OR6J1: variants seen among roughly 807,000 people sequenced by gnomAD.
OR6J1 encodes olfactory receptor family 6 subfamily J member 1.
For missense variants in OR6J1, 304 were observed against 166.8 expected (o/e 1.82, Z -4.53); for synonymous variants, 109 against 70.0 (o/e 1.56, Z -2.78).
Position 22,634,775 on chromosome 14 carries a change from G to C in OR6J1, c.37C>G (p.Leu13Val). 1.4e-6 allele frequency: 1 copy of C among 701,250 alleles called. No individual in the cohort carries two copies. Among genetic ancestry groups the C allele is most frequent in the Non-Finnish European group, 2.6e-6 (1 of 383,872 alleles). The allele number at this position is 701,250 out of a possible 1,614,324, so 43.4% of individuals were successfully genotyped here. Reference protein sequence around the residue: ...NWTAAVTEFVLLGFSLSREVE... With the variant: ...NWTAAVTEFVVLGFSLSREVE... ...TCCCTGCTCAGGGAAAACCCCAGCA[G>C]AACAAACTCAGTCACCGCTGCAGTC... Residue 13 changes from leucine (L) to valine (V), a missense_variant, in exon 2 of 2, where the codon CTG becomes GTG. Transcript: ENST00000540461.
At position 22,631,763 on chromosome 14, in the gene OR6J1, AT is replaced by A. The variant is rs2037548139; in HGVS notation, c.*2004del. 6.5e-6 allele frequency: 1 copy of A among 153,878 alleles called. No individual in the cohort carries two copies. Among genetic ancestry groups the A allele is most frequent in the South Asian group, 1.8e-4 (1 of 5,484 alleles). The allele number at this position is 153,878 out of a possible 1,614,324, so 9.5% of individuals were successfully genotyped here. A position where few individuals can be genotyped will look rare whatever the true frequency, so the allele number is the denominator to read the frequency against. ...TCTTCACTATCCACATTCTTCTGCCATGGCTTCAGCCGGTCCCTCCGTTTGG... is the reference window on the plus strand; with the variant it reads ...TCTTCACTATCCACATTCTTCTGCCAGGCTTCAGCCGGTCCCTCCGTTTGG... On this transcript the variant is annotated 3_prime_UTR_variant, in exon 2 of 2. Coordinates refer to ENST00000540461, the MANE Select transcript of OR6J1 (RefSeq NM_001348233.2).
chr14:22,638,661 AAATAAAAAAAAAAT>A lies in OR6J1; in HGVS notation c.-27-3837_-27-3824del, dbSNP rs1251777872. Among the ~76,000 whole-genome samples the A allele has an allele frequency of 9.7e-5, 10 of 103,482 alleles. 1 individual carries two copies. The East Asian group carries it at 3.7e-3, about 39-fold the overall frequency. The allele number at this position is 103,482 out of a possible 152,430, so 67.9% of individuals were successfully genotyped here. A position where few individuals can be genotyped will look rare whatever the true frequency, so the allele number is the denominator to read the frequency against. ...CAAGAATGATCAATAAAAAAAATAA[AAATAAAAAAAAAAT>A]AAAAAAAATTAAGACACTAGCAAGA... On this transcript the variant is annotated intron_variant, in intron 1 of 1. Transcript: ENST00000540461.
rs1317056754 is a variant in OR6J1, at chr14:22,634,262, G to A, written c.550C>T (p.Leu184=). 2.8e-6 allele frequency: 2 copies of A among 703,362 alleles called. No homozygotes were observed. The highest frequency in any genetic ancestry group is 1.7e-5 in the African/African-American group (1 of 57,378). The allele number at this position is 703,362 out of a possible 1,614,324, so 43.6% of individuals were successfully genotyped here. The change falls in exon 2 of 2, where the codon CTG becomes TTG. Residue 184 remains leucine, a synonymous_variant. Coordinates refer to ENST00000540461, the MANE Select transcript of OR6J1 (RefSeq NM_001348233.2). ...NHFFCDSGPL[L]ALACADTTAI... is the part of the protein sequence containing the mutation. ...GTGGTGTCTGCACAGGCCAGGGCCA[G>A]CAAGGGTCCACTGTCACAGAAGAAG...
At chr14:22,637,838 C>G (rs1282511924) in intron 1 of OR6J1, among the ~76,000 whole-genome samples, 2 of 36,568 alleles carry the variant, frequency 5.5e-5, no homozygotes, top group Admixed American at 1.6e-4. Context: ...GCCCGGCCAG[C>G]CGCCCCGTCC....
rs1334391111 is a variant in OR6J1, at chr14:22,631,265, T to C, written c.*2503A>G. On this transcript the variant is annotated 3_prime_UTR_variant, in exon 2 of 2. Transcript: ENST00000540461. ...AAATTTATTAGGTGGAAATTTCCTC[T>C]TCCTAATAAGCCTGGGAGCGCTATG... The C allele has an allele frequency of 6.6e-6, 1 of 152,186 alleles. No individual in the cohort carries two copies. The highest frequency in any genetic ancestry group is 1.5e-5 in the Non-Finnish European group (1 of 68,042). 9.4% of individuals were successfully genotyped at this position (152,186 alleles called of 1,614,324 possible). A position where few individuals can be genotyped will look rare whatever the true frequency, so the allele number is the denominator to read the frequency against.
At chr14:22,639,145 A>G (rs2037621269) in intron 1 of OR6J1, among the ~76,000 whole-genome samples, 1 of 99,704 alleles carries the variant, frequency 1.0e-5, no homozygotes, top group Non-Finnish European at 1.9e-5. Context: ...CCGTCTGAGA[A>G]GTGAGGAGCC....
At chr14:22,642,018 C>T (rs1181774367) in intron 1 of OR6J1, among the ~76,000 whole-genome samples, 1 of 151,992 alleles carries the variant, frequency 6.6e-6, no homozygotes, top group East Asian at 1.9e-4. Flanking sequence ...AGGAAGAGGA[C>T]TGCAGAAATC....
chr14:22,640,205 AGAGGGAGG>A (rs80115809), intron 1 of OR6J1, among the ~76,000 whole-genome samples: 3 of 77,296 alleles, frequency 3.9e-5, no homozygotes, highest in Admixed American at 1.6e-4. Context: ...GGGAAAAGAG[AGAGGGAGG>A]GAGGGAGGGA....
chr14:22,633,991 A>G lies in OR6J1; in HGVS notation c.821T>C (p.Leu274Ser), dbSNP rs1681597. The G allele has an allele frequency of 0.2, 142,540 of 702,672 alleles. 15,576 individuals are homozygous for G. The highest frequency in any genetic ancestry group is 0.32 in the African/African-American group (18,458 of 57,296). 43.5% of individuals were successfully genotyped at this position (702,672 alleles called of 1,614,324 possible). ...TGGAGTCACCACACTGCTCAGAACCAAAGGGATCTTGTTGATCTCCAGATA... is the reference window on the plus strand; with the variant it reads ...TGGAGTCACCACACTGCTCAGAACCGAAGGGATCTTGTTGATCTCCAGATA... ...KEYLEINKIPLVLSSVVTPFL... is the reference protein window; with the variant it reads ...KEYLEINKIPSVLSSVVTPFL... The change falls in exon 2 of 2, where the codon TTG (leucine) becomes TCG (serine). Residue 274 changes from leucine (L) to serine (S), a missense_variant. By Grantham distance (145) the Leu-to-Ser change is moderately radical. Transcript: ENST00000540461.
rs1235653079 is a variant in OR6J1, at chr14:22,632,816, G to C, written c.*952C>G. ...AAGTCATGAGAGAAGAGGGCTCTTTGTGTTGTGCCTTTGTGTTGTGAGTGG... is the reference window on the plus strand; with the variant it reads ...AAGTCATGAGAGAAGAGGGCTCTTTCTGTTGTGCCTTTGTGTTGTGAGTGG... On this transcript the variant is annotated 3_prime_UTR_variant, in exon 2 of 2. Transcript: ENST00000540461. The C allele has an allele frequency of 2.6e-5, 4 of 152,228 alleles. No individual in the cohort carries two copies. Among genetic ancestry groups the C allele is most frequent in the Non-Finnish European group, 5.9e-5 (4 of 68,066 alleles). 9.4% of individuals were successfully genotyped at this position (152,228 alleles called of 1,614,324 possible). A position where few individuals can be genotyped will look rare whatever the true frequency, so the allele number is the denominator to read the frequency against.
rs879493303 is a variant in OR6J1 at position 22,634,330 on chromosome 14, A to G, written c.482T>C (p.Leu161Pro). Residue 161 changes from leucine to proline, a missense_variant, in exon 2 of 2, where the codon CTC becomes CCC. Transcript: ENST00000540461. ...GFLSVLFPTI[L>P]ISQLPFCGSN... ...GCCACAGAAGGGCAGCTGGGAGATG[A>G]GGATGGTTGGAAAGAGCACAGACAG... 9 of 703,266 alleles carry G rather than the reference A, an allele frequency of 1.3e-5. No individual in the cohort carries two copies. The Admixed American group carries it at 1.8e-4, about 14-fold the overall frequency. The allele number at this position is 703,266 out of a possible 1,614,324, so 43.6% of individuals were successfully genotyped here. A position where few individuals can be genotyped will look rare whatever the true frequency, so the allele number is the denominator to read the frequency against.
At position 22,634,122 on chromosome 14, in the gene OR6J1, T is replaced by C. The variant is rs1198928470; in HGVS notation, c.690A>G (p.Ala230=). 1.4e-6 allele frequency: 1 copy of C among 703,254 alleles called. No individual in the cohort carries two copies. Among genetic ancestry groups the C allele is most frequent in the Non-Finnish European group, 2.6e-6 (1 of 384,946 alleles). 43.6% of individuals were successfully genotyped at this position (703,254 alleles called of 1,614,324 possible). A position where few individuals can be genotyped will look rare whatever the true frequency, so the allele number is the denominator to read the frequency against. ...IILTIVRIPS[A]SGRKKAFNTC... ...TATTAAAGGCCTTCTTCCTTCCACT[T>C]GCAGAAGGAATGCGCACTATGGTCA... The change falls in exon 2 of 2, where the codon GCA becomes GCG. Residue 230 remains alanine, a synonymous_variant. Coordinates refer to ENST00000540461, the MANE Select transcript of OR6J1 (RefSeq NM_001348233.2).
chr14:22,642,692 C>A (rs565945461), intron 1 of OR6J1, among the ~76,000 whole-genome samples: 1 of 152,224 alleles, frequency 6.6e-6, no homozygotes, highest in Non-Finnish European at 1.5e-5. Context: ...TATTTTTCTA[C>A]TTTCTGACTA....
intron 1 of OR6J1, among the ~76,000 whole-genome samples, chr14:22,639,443 G>A (rs2037625453): frequency 7.5e-6 from 1 of 134,202 alleles, no homozygotes; most frequent in African/African-American, 3.2e-5. Context: ...ACTGGGAAGT[G>A]AGGAGCCCCT....
Position 22,632,452 on chromosome 14 carries a change from G to C in OR6J1, c.*1316C>G, listed in dbSNP as rs1001171712. ...ATGGTGGCACGCGCCTGTGGTCCCA[G>C]CTACTCAGGAGGCTGAGGCAGAAGA... On this transcript the variant is annotated 3_prime_UTR_variant, in exon 2 of 2. Transcript: ENST00000540461. The C allele has an allele frequency of 2.0e-5, 3 of 152,270 alleles. No homozygotes were observed. The highest frequency in any genetic ancestry group is 7.2e-5 in the African/African-American group (3 of 41,446). 9.4% of individuals were successfully genotyped at this position (152,270 alleles called of 1,614,324 possible). A position where few individuals can be genotyped will look rare whatever the true frequency, so the allele number is the denominator to read the frequency against.
intron 1 of OR6J1, among the ~76,000 whole-genome samples, chr14:22,643,579 A>C (rs1475521989): frequency 1.3e-5 from 2 of 152,044 alleles, no homozygotes; most frequent in African/African-American, 4.8e-5. Flanking sequence ...TTACAGGTGC[A>C]GGCCACTTAC....
At chr14:22,641,449 GAAAGAAAGAA>G (rs1207435577) in intron 1 of OR6J1, among the ~76,000 whole-genome samples, 2 of 64,122 alleles carry the variant, frequency 3.1e-5, no homozygotes, top group African/African-American at 7.7e-5. Flanking sequence ...GAAAGAGAGA[GAAAGAAAGAA>G]AGAAAGAAAA....
chr14:22,637,682 TG>T (rs1327524028), intron 1 of OR6J1, among the ~76,000 whole-genome samples: 1 of 41,534 alleles, frequency 2.4e-5, no homozygotes, highest in Admixed American at 2.3e-4. Flanking sequence ...GGGAGGGAGG[TG>T]GGGGGGGTCA....
intron 1 of OR6J1, among the ~76,000 whole-genome samples, chr14:22,638,795 G>GTGGGAGCGTAAATTTATATAATT (rs1244219001): frequency 6.2e-5 from 9 of 144,752 alleles, no homozygotes; most frequent in Admixed American, 1.3e-4. Context: ...TACACTGCTA[G>GTGGGAGCGTAAATTTATATAATT]GTGAGGAGCC....
Sources: gnomAD v4.1 joint callset for allele counts (sites outside exome capture counted in the v4.1 genomes callset) on GRCh38, gnomAD v4.1.1 for gene constraint, MANE v1.5 for transcripts, NCBI Gene and HGNC (gene_info 2026-07-23, HGNC 2026-07-21) for gene names.